GABRB2: variants seen among roughly 807,000 people sequenced by gnomAD.
The protein encoded by GABRB2 is gamma-aminobutyric acid type A receptor subunit beta2, also known as gamma-aminobutyric acid receptor subunit beta-2.
Under a neutral mutation model 54.7 loss-of-function variants are expected in GABRB2, and 16 were observed. The ratio of observed to expected loss-of-function variants is 0.29; its 90% CI spans 0.20 to 0.44. The LOEUF (loss-of-function observed/expected upper bound fraction) is 0.44, where lower values mean the gene tolerates loss of function less well. GABRB2 is among the 20% of genes least tolerant of loss of function. GABRB2 has a pLI of 1.00. For synonymous variants in GABRB2, 244 were observed against 233.8 expected (o/e 1.04, Z -0.40); for missense variants, 355 against 644.0 (o/e 0.55, Z 4.86).
At chr5:161,390,299 C>T (rs1410288216) in intron 5 of GABRB2, among the ~76,000 whole-genome samples, 2 of 152,006 alleles carry the variant, frequency 1.3e-5, no homozygotes, top group Admixed American at 6.6e-5. Context: ...AAATACCAGA[C>T]AGAATGAAAT....
At chr5:161,478,042 T>TA (rs1230572338) in intron 3 of GABRB2, among the ~76,000 whole-genome samples, 1 of 152,002 alleles carries the variant, frequency 6.6e-6, no homozygotes, top group Non-Finnish European at 1.5e-5. Flanking sequence ...TCTACGTAGT[T>TA]ATTTAGCAAA....
chr5:161,373,204 T>G (rs1755182877), intron 5 of GABRB2, among the ~76,000 whole-genome samples: 1 of 152,070 alleles, frequency 6.6e-6, no homozygotes, highest in Non-Finnish European at 1.5e-5. Flanking sequence ...CAAGCAAAAG[T>G]CCCTTCTCAT....
At chr5:161,406,243 C>G (rs553391646) in intron 5 of GABRB2, among the ~76,000 whole-genome samples, 1 of 152,172 alleles carries the variant, frequency 6.6e-6, no homozygotes, top group African/African-American at 2.4e-5. Flanking sequence ...TTGAAGCTAG[C>G]TATTAATTAT....
chr5:161,435,413 G>T (rs1757280127), intron 4 of GABRB2, among the ~76,000 whole-genome samples: 1 of 151,922 alleles, frequency 6.6e-6, no homozygotes, highest in African/African-American at 2.4e-5. Context: ...AATTTTCTGT[G>T]AAAATAAAAA....
intron 3 of GABRB2, among the ~76,000 whole-genome samples, chr5:161,515,465 T>C (rs1252263881): frequency 6.6e-6 from 1 of 152,134 alleles, no homozygotes; most frequent in African/African-American, 2.4e-5. Flanking sequence ...CTAGAGATTT[T>C]TCTGTTTTTA....
intron 3 of GABRB2, among the ~76,000 whole-genome samples, chr5:161,514,278 A>C (rs1219973933): frequency 6.6e-6 from 1 of 152,090 alleles, no homozygotes; most frequent in East Asian, 1.9e-4. Context: ...AACCTCCTTG[A>C]AACTCCAACC....
In GABRB2 at chr5:161,289,232, C is replaced by CTTTT. The variant is rs56372028; in HGVS notation, c.*4845_*4848dup. ...ACCTAGTAGCTTTTTAAGAGTGCTG[C>CTTTT]TTTTTTTTTTTTTTTTTGTACAGAT... On this transcript the variant is annotated 3_prime_UTR_variant, in exon 10 of 10. Coordinates refer to ENST00000393959, the MANE Select transcript of GABRB2 (RefSeq NM_001371727.1). 10 of 90,462 alleles carry CTTTT rather than the reference C, an allele frequency of 1.1e-4. No homozygotes were observed. Among genetic ancestry groups the CTTTT allele is most frequent in the African/African-American group, 4.9e-4 (8 of 16,220 alleles). 5.6% of individuals were successfully genotyped at this position (90,462 alleles called of 1,614,324 possible).
intron 9 of GABRB2, among the ~76,000 whole-genome samples, chr5:161,301,021 C>T (rs1044704415): frequency 2.0e-5 from 3 of 152,068 alleles, no homozygotes; most frequent in Non-Finnish European, 2.9e-5. Context: ...CTTGAAAGCC[C>T]TATAAACAGG....
rs952125207 is a variant in GABRB2, at chr5:161,328,161, T to C, written c.1078-1680A>G. Among the ~76,000 whole-genome samples, 5 of 152,290 alleles carry C rather than the reference T, an allele frequency of 3.3e-5. No individual in the cohort carries two copies. In the South Asian group the frequency reaches 8.3e-4, roughly 25 times the overall value. ...GCTAATACCCTTTGAAAAATGATTT[T>C]CTTGATTTGACTTTAAAACTTCTAA... On this transcript the variant is annotated intron_variant, in intron 8 of 9. Transcript: ENST00000393959.
At chr5:161,322,594 A>G (rs1419008139) in intron 9 of GABRB2, among the ~76,000 whole-genome samples, 1 of 152,028 alleles carries the variant, frequency 6.6e-6, no homozygotes, top group Non-Finnish European at 1.5e-5. Context: ...AGACTTAAAT[A>G]TTTTTTTCTA....
intron 5 of GABRB2, among the ~76,000 whole-genome samples, chr5:161,390,555 A>G (rs763245930): frequency 1.3e-5 from 2 of 152,134 alleles, no homozygotes; most frequent in Non-Finnish European, 2.9e-5. Flanking sequence ...AGATTTTATC[A>G]ATGTTAATTT....
At chr5:161,466,154 T>C (rs1451714933) in intron 3 of GABRB2, among the ~76,000 whole-genome samples, 15 of 152,074 alleles carry the variant, frequency 9.9e-5, no homozygotes, top group Admixed American at 8.5e-4. Flanking sequence ...ATTGAGATTA[T>C]ACCATTTGGG....
chr5:161,514,298 A>C (rs1393323017), intron 3 of GABRB2, among the ~76,000 whole-genome samples: 1 of 152,128 alleles, frequency 6.6e-6, no homozygotes, highest in Non-Finnish European at 1.5e-5. Context: ...CTCTTGTTCT[A>C]AAACAGTTCC....
chr5:161,544,937 G>A (rs1442117748), intron 3 of GABRB2, among the ~76,000 whole-genome samples: 1 of 152,122 alleles, frequency 6.6e-6, no homozygotes, highest in Non-Finnish European at 1.5e-5. Context: ...CATTGAGCCT[G>A]AGGAGATGAG....
Position 161,330,903 on chromosome 5 carries a change from T to A in GABRB2, c.1057A>T (p.Met353Leu), listed in dbSNP as rs1014388930. 3 of 1,614,254 alleles carry A rather than the reference T, an allele frequency of 1.9e-6. No homozygotes were observed. The highest frequency in any genetic ancestry group is 3.3e-5 in the Admixed American group (2 of 60,032). The change falls in exon 8 of 10, where the codon ATG (methionine) becomes TTG (leucine). Residue 353 changes from methionine to leucine, a missense_variant. Transcript: ENST00000393959. Reference protein sequence around the residue: ...EKAASANNEKMRLDVNKIFYK... With the variant: ...EKAASANNEKLRLDVNKIFYK... ...TTTACCTTGTTGACATCCAGGCGCA[T>A]CTTCTCATTGTTGGCACTGGCAGCC...
intron 3 of GABRB2, among the ~76,000 whole-genome samples, chr5:161,527,578 T>C (rs1238851086): frequency 1.3e-5 from 2 of 151,512 alleles, no homozygotes; most frequent in African/African-American, 2.4e-5. Context: ...CAATATGTGA[T>C]ATAGGCTCAA....
intron 5 of GABRB2, among the ~76,000 whole-genome samples, chr5:161,365,096 G>A (rs1754935712): frequency 6.6e-6 from 1 of 152,024 alleles, no homozygotes; most frequent in Non-Finnish European, 1.5e-5. Context: ...AAGAGAAACC[G>A]TTTTTTGGGC....
chr5:161,463,474 C>A (rs1758175371), intron 3 of GABRB2, among the ~76,000 whole-genome samples: 1 of 146,552 alleles, frequency 6.8e-6, no homozygotes, highest in Admixed American at 6.9e-5. Flanking sequence ...CTCATTTAAT[C>A]TCAAATGTTA....
chr5:161,531,078 T>C (rs1275983439), intron 3 of GABRB2, among the ~76,000 whole-genome samples: 1 of 152,240 alleles, frequency 6.6e-6, no homozygotes, highest in East Asian at 1.9e-4. Flanking sequence ...TCAAGGAAAA[T>C]AATAAACAAA....
Sources: allele counts gnomAD v4.1 joint callset (sites outside exome capture counted in the v4.1 genomes callset), GRCh38; gene constraint gnomAD v4.1.1; transcripts MANE v1.5; gene names NCBI Gene and HGNC (gene_info 2026-07-23, HGNC 2026-07-21).